Variants in OR52M1 observed in about 807,000 individuals in gnomAD.
The protein encoded by OR52M1 is olfactory receptor family 52 subfamily M member 1.
OR52M1 carries 2 observed loss-of-function variants against 1.3 expected under a neutral mutation model. The observed-to-expected ratio is 1.59, with a 90% confidence interval of 0.65 to 5.01. OR52M1 has a LOEUF of 5.01. Among genes scored for constraint, OR52M1 ranks in the 30% most tolerant of loss-of-function variants. OR52M1 has a pLI of 0.06. For synonymous variants in OR52M1, 234 were observed against 151.4 expected (o/e 1.55, Z -4.01); for missense variants, 585 against 403.7 (o/e 1.45, Z -3.85).
At position 4,545,636 on chromosome 11, in the gene OR52M1, T is replaced by C; in HGVS notation, c.446T>C (p.Val149Ala). 1 of 1,613,644 alleles carries C rather than the reference T, an allele frequency of 6.2e-7. No homozygotes were observed. Among genetic ancestry groups the C allele is most frequent in the Non-Finnish European group, 8.5e-7 (1 of 1,179,826 alleles). Residue 149 changes from valine (V) to alanine (A), a missense_variant, in exon 1 of 1, where the codon GTT (valine) becomes GCT (alanine). By Grantham distance (64) the Val-to-Ala change is moderately conservative. Transcript: ENST00000360213. ...TYTVVGRLGLVSLLRGVLYIG... is the reference protein window; with the variant it reads ...TYTVVGRLGLASLLRGVLYIG... The stretch of plus-strand genomic sequence containing the variant: ...ACAGTGGTGGGTCGTTTGGGGCTTG[T>C]TTCTCTCCTCCGGGGTGTTCTCTAC...
chr11:4,546,112 C>T lies in OR52M1; in HGVS notation c.922C>T (p.Gln308Ter), dbSNP rs1456208852. ...CAAGCAGATCCGAGAGAGCCTTCTC[C>T]AAATACCAAGGATAGAAATGAAGAT... ...RTKQIRESLL[Q>*]IPRIEMKIR The change falls in exon 1 of 1, where the codon CAA becomes TAA. Residue 308 changes from glutamine (Q) to a stop codon, truncating the protein, a stop_gained. Coordinates refer to ENST00000360213, the MANE Select transcript of OR52M1 (RefSeq NM_001004137.1). LOFTEE classifies it high-confidence loss of function. 1.9e-6 allele frequency: 3 copies of T among 1,606,156 alleles called. No individual in the cohort carries two copies. The highest frequency in any genetic ancestry group is 4.5e-5 in the East Asian group (2 of 44,834).
In OR52M1 at chr11:4,546,108, T is replaced by C; in HGVS notation, c.918T>C (p.Leu306=). The change falls in exon 1 of 1, where the codon CTT becomes CTC. Residue 306 remains leucine (L), a synonymous_variant. Transcript: ENST00000360213. ...AVRTKQIRES[L]LQIPRIEMKI... is the part of the protein sequence containing the mutation. ...GCACCAAGCAGATCCGAGAGAGCCTTCTCCAAATACCAAGGATAGAAATGA... is the reference window on the plus strand; with the variant it reads ...GCACCAAGCAGATCCGAGAGAGCCTCCTCCAAATACCAAGGATAGAAATGA... 1 of 1,607,996 alleles carries C rather than the reference T, an allele frequency of 6.2e-7. No homozygotes were observed. The highest frequency in any genetic ancestry group is 8.5e-7 in the Non-Finnish European group (1 of 1,176,574).
Position 4,546,053 on chromosome 11 carries a change from C to CA in OR52M1, c.865dup (p.Ile289AsnfsTer29). ...GCCAACTTCTATCTCCTCATTCCTC[C>CA]AATCCTCAATCCCATTGTCTATGCT... On this transcript the variant is annotated frameshift_variant, in exon 1 of 1. Coordinates refer to ENST00000360213, the MANE Select transcript of OR52M1 (RefSeq NM_001004137.1). LOFTEE classifies it low-confidence loss of function (END_TRUNC). 6.2e-7 allele frequency: 1 copy of CA among 1,614,074 alleles called. No individual in the cohort carries two copies. The highest frequency in any genetic ancestry group is 1.1e-5 in the South Asian group (1 of 91,076).
In OR52M1 at chr11:4,545,418, T is replaced by C. The variant is rs1327459209; in HGVS notation, c.228T>C (p.Ser76=). ...CMLAAIDLVL[S]TSTIPKLLGI... ...TGGCTGCCATTGACCTGGTTCTGTC[T>C]ACTTCCACTATACCCAAACTTCTGG... The change falls in exon 1 of 1, where the codon TCT becomes TCC. Residue 76 remains serine, a synonymous_variant. Coordinates refer to ENST00000360213, the MANE Select transcript of OR52M1 (RefSeq NM_001004137.1). 9 of 1,614,088 alleles carry C rather than the reference T, an allele frequency of 5.6e-6. No homozygotes were observed. The highest frequency in any genetic ancestry group is 7.6e-6 in the Non-Finnish European group (9 of 1,180,010).
rs769534478 is a variant in OR52M1 at position 4,546,036 on chromosome 11, C to T, written c.846C>T (p.Phe282=). The stretch of plus-strand genomic sequence containing the variant: ...CAGTCCACACTCTGCTGGCCAACTT[C>T]TATCTCCTCATTCCTCCAATCCTCA... ...PPPVHTLLAN[F]YLLIPPILNP... Residue 282 remains phenylalanine (F), a synonymous_variant, in exon 1 of 1, where the codon TTC becomes TTT. Transcript: ENST00000360213. 3.7e-6 allele frequency: 6 copies of T among 1,614,126 alleles called. No homozygotes were observed. The highest frequency in any genetic ancestry group is 1.7e-5 in the Admixed American group (1 of 60,026).
Position 4,545,275 on chromosome 11 carries a change from C to A in OR52M1, c.85C>A (p.Leu29Ile), listed in dbSNP as rs1846936904. The A allele has an allele frequency of 1.2e-6, 2 of 1,613,942 alleles. No homozygotes were observed. The highest frequency in any genetic ancestry group is 2.7e-5 in the African/African-American group (2 of 74,914). Residue 29 changes from leucine to isoleucine, a missense_variant, in exon 1 of 1, where the codon CTC becomes ATC. Physicochemically the swap from Leu to Ile is conservative, Grantham distance 5 (BLOSUM62 2). Transcript: ENST00000360213. ...IPGLESLHVW[L>I]SIPFGSMYLV... ...AGGGCTGGAGTCCCTACACGTCTGG[C>A]TCTCCATCCCCTTTGGCTCCATGTA...
rs760005264 is a variant in OR52M1, at chr11:4,546,123, G to C, written c.933G>C (p.Arg311Ser). The C allele has an allele frequency of 6.3e-7, 1 of 1,598,944 alleles. No individual in the cohort carries two copies. Among genetic ancestry groups the C allele is most frequent in the Non-Finnish European group, 8.5e-7 (1 of 1,170,900 alleles). The change falls in exon 1 of 1, where the codon AGG becomes AGC. Residue 311 changes from arginine (R) to serine (S), a missense_variant. Transcript: ENST00000360213. ...GAGAGAGCCTTCTCCAAATACCAAG[G>C]ATAGAAATGAAGATTAGATGATTAC... ...QIRESLLQIP[R>S]IEMKIR
chr11:4,545,666 G>A lies in OR52M1; in HGVS notation c.476G>A (p.Gly159Glu), dbSNP rs1189844712. 2 of 1,613,156 alleles carry A rather than the reference G, an allele frequency of 1.2e-6. No homozygotes were observed. The highest frequency in any genetic ancestry group is 1.6e-4 in the Middle Eastern group (1 of 6,076). ...VSLLRGVLYI[G>E]PLPLMIRLRL... ...CTCCTCCGGGGTGTTCTCTACATTG[G>A]ACCTCTGCCTCTGATGATCCGCCTG... Residue 159 changes from glycine (G) to glutamate (E), a missense_variant, in exon 1 of 1, where the codon GGA (glycine) becomes GAA (glutamate). Physicochemically the swap from Gly to Glu is moderately conservative, Grantham distance 98 (BLOSUM62 -2). Transcript: ENST00000360213.
rs267602886 is a variant in OR52M1, at chr11:4,545,623, C to G, written c.433C>G (p.Arg145Gly). Residue 145 changes from arginine to glycine, a missense_variant, in exon 1 of 1, where the codon CGT becomes GGT. Physicochemically the swap from Arg to Gly is moderately radical, Grantham distance 125. Transcript: ENST00000360213. The part of the protein sequence containing the change: ...SMVLTYTVVG[R>G]LGLVSLLRGV... The stretch of plus-strand genomic sequence containing the variant: ...GGTGCTCACTTATACAGTGGTGGGT[C>G]GTTTGGGGCTTGTTTCTCTCCTCCG... The G allele has an allele frequency of 6.2e-7, 1 of 1,613,544 alleles. No individual in the cohort carries two copies. The highest frequency in any genetic ancestry group is 8.5e-7 in the Non-Finnish European group (1 of 1,179,814).
chr11:4,545,623 C>A lies in OR52M1; in HGVS notation c.433C>A (p.Arg145Ser). ...SMVLTYTVVGRLGLVSLLRGV... is the reference protein window; with the variant it reads ...SMVLTYTVVGSLGLVSLLRGV... Reference sequence around the variant, plus strand: ...GGTGCTCACTTATACAGTGGTGGGTCGTTTGGGGCTTGTTTCTCTCCTCCG... The same window carrying A: ...GGTGCTCACTTATACAGTGGTGGGTAGTTTGGGGCTTGTTTCTCTCCTCCG... The change falls in exon 1 of 1, where the codon CGT (arginine) becomes AGT (serine). Residue 145 changes from arginine (R) to serine (S), a missense_variant. Transcript: ENST00000360213. 6.2e-7 allele frequency: 1 copy of A among 1,613,544 alleles called. No individual in the cohort carries two copies. The highest frequency in any genetic ancestry group is 8.5e-7 in the Non-Finnish European group (1 of 1,179,814).
chr11:4,545,859 G>C lies in OR52M1; in HGVS notation c.669G>C (p.Met223Ile), dbSNP rs1371212709. 3.7e-6 allele frequency: 6 copies of C among 1,614,150 alleles called. No homozygotes were observed. The highest frequency in any genetic ancestry group is 1.1e-5 in the South Asian group (1 of 91,082). ...DSVAIAASYV[M>I]IFRAVMGLAT... ...TGGCTATTGCTGCATCCTATGTGAT[G>C]ATTTTCAGGGCCGTGATGGGGTTAG... is the stretch of plus-strand genomic sequence containing the variant. The change falls in exon 1 of 1, where the codon ATG (methionine) becomes ATC (isoleucine). Residue 223 changes from methionine (M) to isoleucine (I), a missense_variant. Transcript: ENST00000360213.
In OR52M1 at chr11:4,546,120, A is replaced by C; in HGVS notation, c.930A>C (p.Pro310=). The change falls in exon 1 of 1, where the codon CCA becomes CCC. Residue 310 remains proline (P), a synonymous_variant. Transcript: ENST00000360213. ...KQIRESLLQI[P]RIEMKIR is the part of the protein sequence containing the mutation. ...TCCGAGAGAGCCTTCTCCAAATACC[A>C]AGGATAGAAATGAAGATTAGATGAT... is the stretch of plus-strand genomic sequence containing the variant. The C allele has an allele frequency of 6.2e-7, 1 of 1,600,144 alleles. No individual in the cohort carries two copies. Among genetic ancestry groups the C allele is most frequent in the Non-Finnish European group, 8.5e-7 (1 of 1,171,408 alleles).
Position 4,545,697 on chromosome 11 carries a change from G to A in OR52M1, c.507G>A (p.Leu169=), listed in dbSNP as rs750209892. The A allele has an allele frequency of 9.3e-6, 15 of 1,613,160 alleles. No individual in the cohort carries two copies. Among genetic ancestry groups the A allele is most frequent in the African/African-American group, 1.3e-5 (1 of 74,974 alleles). ...GPLPLMIRLR[L]PLYKTHVISH... ...TGCCTCTGATGATCCGCCTGCGGCT[G>A]CCCCTTTATAAAACCCATGTTATCT... The change falls in exon 1 of 1, where the codon CTG becomes CTA. Residue 169 remains leucine, a synonymous_variant. Transcript: ENST00000360213.
At position 4,545,728 on chromosome 11, in the gene OR52M1, T is replaced by C; in HGVS notation, c.538T>C (p.Ser180Pro). 1 of 1,613,884 alleles carries C rather than the reference T, an allele frequency of 6.2e-7. No individual in the cohort carries two copies. Among genetic ancestry groups the C allele is most frequent in the Non-Finnish European group, 8.5e-7 (1 of 1,179,922 alleles). Residue 180 changes from serine to proline, a missense_variant, in exon 1 of 1, where the codon TCC (serine) becomes CCC (proline). By Grantham distance (74) the Ser-to-Pro change is moderately conservative (BLOSUM62 -1). Transcript: ENST00000360213. Reference protein sequence around the residue: ...PLYKTHVISHSYCEHMAVVAL... With the variant: ...PLYKTHVISHPYCEHMAVVAL... ...TTATAAAACCCATGTTATCTCCCACTCCTACTGTGAGCACATGGCTGTAGT... is the reference window on the plus strand; with the variant it reads ...TTATAAAACCCATGTTATCTCCCACCCCTACTGTGAGCACATGGCTGTAGT...
rs1177477097 is a variant in OR52M1, at chr11:4,545,882, T to C, written c.692T>C (p.Leu231Ser). 1.5e-5 allele frequency: 25 copies of C among 1,614,050 alleles called. No individual in the cohort carries two copies. The Admixed American group carries it at 4.2e-4, about 27-fold the overall frequency. ...ATGATTTTCAGGGCCGTGATGGGGT[T>C]AGCCACTCCTGAGGCTAGGCTTAAA... ...YVMIFRAVMG[L>S]ATPEARLKTL... Residue 231 changes from leucine to serine, a missense_variant, in exon 1 of 1, where the codon TTA (leucine) becomes TCA (serine). Physicochemically the swap from Leu to Ser is moderately radical, Grantham distance 145. Transcript: ENST00000360213.
At position 4,545,866 on chromosome 11, in the gene OR52M1, A is replaced by G; in HGVS notation, c.676A>G (p.Arg226Gly). 6.2e-7 allele frequency: 1 copy of G among 1,614,084 alleles called. No homozygotes were observed. Among genetic ancestry groups the G allele is most frequent in the Non-Finnish European group, 8.5e-7 (1 of 1,180,014 alleles). Residue 226 changes from arginine to glycine, a missense_variant, in exon 1 of 1, where the codon AGG becomes GGG. Arg to Gly is a moderately radical substitution (Grantham distance 125). Coordinates refer to ENST00000360213, the MANE Select transcript of OR52M1 (RefSeq NM_001004137.1). Reference sequence around the variant, plus strand: ...TGCTGCATCCTATGTGATGATTTTCAGGGCCGTGATGGGGTTAGCCACTCC... The same window carrying G: ...TGCTGCATCCTATGTGATGATTTTCGGGGCCGTGATGGGGTTAGCCACTCC... ...AIAASYVMIF[R>G]AVMGLATPEA...
Position 4,545,746 on chromosome 11 carries a change from G to A in OR52M1, c.556G>A (p.Ala186Thr), listed in dbSNP as rs1846946973. 6.2e-7 allele frequency: 1 copy of A among 1,614,088 alleles called. No homozygotes were observed. Among genetic ancestry groups the A allele is most frequent in the Non-Finnish European group, 8.5e-7 (1 of 1,180,004 alleles). ...CTCCCACTCCTACTGTGAGCACATGGCTGTAGTTGCCTTGACATGTGGCGA... is the reference window on the plus strand; with the variant it reads ...CTCCCACTCCTACTGTGAGCACATGACTGTAGTTGCCTTGACATGTGGCGA... ...VISHSYCEHMAVVALTCGDSR... is the reference protein window; with the variant it reads ...VISHSYCEHMTVVALTCGDSR... The change falls in exon 1 of 1, where the codon GCT becomes ACT. Residue 186 changes from alanine to threonine, a missense_variant. Transcript: ENST00000360213.
In OR52M1 at chr11:4,545,340, G is replaced by T. The variant is rs541996441; in HGVS notation, c.150G>T (p.Val50=). 2 of 1,614,116 alleles carry T rather than the reference G, an allele frequency of 1.2e-6. No homozygotes were observed. The highest frequency in any genetic ancestry group is 3.3e-5 in the Admixed American group (2 of 60,014). The part of the protein sequence containing the change: ...AVVGNVTILA[V]VKIERSLHQP... The stretch of plus-strand genomic sequence containing the variant: ...TGGGGAATGTGACCATCCTGGCTGT[G>T]GTAAAGATAGAACGCAGCCTGCACC... The change falls in exon 1 of 1, where the codon GTG becomes GTT. Residue 50 remains valine, a synonymous_variant. Coordinates refer to ENST00000360213, the MANE Select transcript of OR52M1 (RefSeq NM_001004137.1).
In OR52M1 at chr11:4,545,226, C is replaced by G; in HGVS notation, c.36C>G (p.Ser12Arg). The change falls in exon 1 of 1, where the codon AGC becomes AGG. Residue 12 changes from serine (S) to arginine (R), a missense_variant. Ser to Arg is a moderately radical substitution (Grantham distance 110, BLOSUM62 -1). Coordinates refer to ENST00000360213, the MANE Select transcript of OR52M1 (RefSeq NM_001004137.1). ...TTCATAATGTCTGCTCAGTACCCAG[C>G]TCCTTCTGGCTCACTGGCATCCCAG... is the stretch of plus-strand genomic sequence containing the variant. Reference protein sequence around the residue: ...LTFHNVCSVPSSFWLTGIPGL... With the variant: ...LTFHNVCSVPRSFWLTGIPGL... 1 of 1,611,416 alleles carries G rather than the reference C, an allele frequency of 6.2e-7. No individual in the cohort carries two copies.
Sources: allele counts gnomAD v4.1 joint callset, GRCh38; gene constraint gnomAD v4.1.1; transcripts MANE v1.5; gene names NCBI Gene and HGNC (gene_info 2026-07-23, HGNC 2026-07-21).